The following GALK2 variants were observed in gnomAD, a reference collection of about 807,000 sequenced individuals.
The protein encoded by GALK2 is N-acetylgalactosamine kinase.
In GALK2, 36 loss-of-function variants were observed where a neutral mutation model predicts 52.4. The ratio of observed to expected loss-of-function variants is 0.69; its 90% CI spans 0.53 to 0.91. The LOEUF (loss-of-function observed/expected upper bound fraction) is 0.91, where lower values mean the gene tolerates loss of function less well. Ranked by LOEUF, GALK2 falls within the 40% of genes least tolerant of loss-of-function variation. The probability of loss-of-function intolerance (pLI) is 0.00; values close to 1 mark genes in which losing one functional copy is unlikely to be tolerated. For missense variants in GALK2, 579 were observed against 559.1 expected (o/e 1.04, Z -0.36); for synonymous variants, 176 against 199.1 (o/e 0.88, Z 0.98).
At chr15:49,355,988 C>T (rs2043091960) in intron 3 of GALK2, among the ~76,000 whole-genome samples, 1 of 151,354 alleles carries the variant, frequency 6.6e-6, no homozygotes, top group Non-Finnish European at 1.5e-5. Context: ...TCCAGCCAAA[C>T]TAAGCTTCAT....
chr15:49,244,483 T>C (rs921966076), intron 5 of GALK2, among the ~76,000 whole-genome samples: 2 of 152,152 alleles, frequency 1.3e-5, no homozygotes, highest in Non-Finnish European at 2.9e-5. Flanking sequence ...TCAAAAACAG[T>C]ATTGGAAGAT....
At chr15:49,259,559 T>C (rs1210457967) in intron 5 of GALK2, among the ~76,000 whole-genome samples, 2 of 149,674 alleles carry the variant, frequency 1.3e-5, no homozygotes, top group Non-Finnish European at 3.0e-5. Flanking sequence ...ATGGTGTATA[T>C]GTGCCACATT....
chr15:49,346,850 G>C (rs2041580744), intron 3 of GALK2, among the ~76,000 whole-genome samples: 1 of 152,152 alleles, frequency 6.6e-6, no homozygotes, highest in Admixed American at 6.5e-5. Flanking sequence ...CTTGAAATAA[G>C]CTTATTAGCA....
chr15:49,157,741 G>A (rs1285123022), intron 1 of GALK2, among the ~76,000 whole-genome samples: 1 of 152,212 alleles, frequency 6.6e-6, no homozygotes, highest in Non-Finnish European at 1.5e-5. Context: ...ATCATTGGAA[G>A]GGACCTGAGA....
At chr15:49,178,891 T>A (rs1377849452) in intron 1 of GALK2, 1 of 153,088 alleles carries the variant, frequency 6.5e-6, no homozygotes, top group African/African-American at 2.4e-5. Flanking sequence ...CTCTCATTAT[T>A]ATTTTCAAAA....
chr15:49,261,585 C>G (rs1222372528), intron 5 of GALK2, among the ~76,000 whole-genome samples: 1 of 151,680 alleles, frequency 6.6e-6, no homozygotes, highest in Non-Finnish European at 1.5e-5. Flanking sequence ...ATTGCCCTGG[C>G]CAGAACTTCC....
intron 9 of GALK2, among the ~76,000 whole-genome samples, chr15:49,322,688 T>C (rs1007726320): frequency 6.5e-4 from 99 of 152,260 alleles, no homozygotes; most frequent in African/African-American, 2.3e-3. Context: ...CCGGGCCCAA[T>C]TGCTCACACC....
At chr15:49,250,404 TA>T (rs1009030423) in intron 5 of GALK2, among the ~76,000 whole-genome samples, 1 of 152,200 alleles carries the variant, frequency 6.6e-6, no homozygotes. Context: ...GATGTCTTTT[TA>T]AAAAAATTAC....
At chr15:49,170,204 A>T, upstream of GALK2, 1 of 1,496,950 alleles carries the variant, frequency 6.7e-7, no homozygotes, top group Non-Finnish European at 8.9e-7. Flanking sequence ...GGATTTCCGC[A>T]GGGCGGGAGC....
At chr15:49,308,141 C>T (rs2035696564) in intron 8 of GALK2, among the ~76,000 whole-genome samples, 1 of 152,192 alleles carries the variant, frequency 6.6e-6, no homozygotes, top group African/African-American at 2.4e-5. Flanking sequence ...TCCAAAGAGT[C>T]TTTGCCTCAG....
intron 5 of GALK2, among the ~76,000 whole-genome samples, chr15:49,273,363 G>A (rs1254763258): frequency 2.0e-5 from 3 of 151,792 alleles, no homozygotes; most frequent in Non-Finnish European, 4.4e-5. Context: ...TTATTTACAG[G>A]AACTTTTCAG....
intron 8 of GALK2, among the ~76,000 whole-genome samples, chr15:49,295,373 A>G (rs1292964818): frequency 2.0e-5 from 3 of 151,532 alleles, no homozygotes; most frequent in African/African-American, 7.3e-5. Context: ...TCATCTATCT[A>G]TCATTGAATT....
At chr15:49,186,542 CT>C (rs71299506) in intron 1 of GALK2, among the ~76,000 whole-genome samples, 89 of 131,066 alleles carry the variant, frequency 6.8e-4, no homozygotes, top group South Asian at 1.5e-3. Flanking sequence ...GAATTTTTTT[CT>C]TTTTTTTTTT....
At chr15:49,215,986 T>G (rs756817612) in intron 2 of GALK2, among the ~76,000 whole-genome samples, 11 of 152,344 alleles carry the variant, frequency 7.2e-5, no homozygotes, top group Non-Finnish European at 1.3e-4. Context: ...AATGCTGCAA[T>G]TCTTCCTGAC....
chr15:49,285,024 C>A (rs1039092190), intron 7 of GALK2, among the ~76,000 whole-genome samples: 1 of 152,176 alleles, frequency 6.6e-6, no homozygotes, highest in Admixed American at 6.5e-5. Flanking sequence ...ATTCTCTTCA[C>A]AGCTAAACTT....
chr15:49,351,844 C>T (rs1282222825), intron 3 of GALK2, among the ~76,000 whole-genome samples: 2 of 152,174 alleles, frequency 1.3e-5, no homozygotes, highest in African/African-American at 4.8e-5. Flanking sequence ...TCACCTTAGT[C>T]AGTGGATGTG....
chr15:49,360,505 T>G (rs924149318), intron 3 of GALK2, among the ~76,000 whole-genome samples: 1 of 152,190 alleles, frequency 6.6e-6, no homozygotes, highest in Non-Finnish European at 1.5e-5. Flanking sequence ...AATTATTAAA[T>G]TTTTGGGTAT....
At chr15:49,230,213 T>G (rs1343355636) in intron 3 of GALK2, among the ~76,000 whole-genome samples, 2 of 151,848 alleles carry the variant, frequency 1.3e-5, no homozygotes, top group African/African-American at 2.4e-5. Flanking sequence ...GACTTGGGGG[T>G]GTGTGGAACC....
In GALK2 at chr15:49,259,552, G is replaced by A. The variant is rs537222253; in HGVS notation, c.504+20185G>A. 3.3e-5 allele frequency among the ~76,000 whole-genome samples: 5 copies of A among 149,480 alleles called. No homozygotes were observed. In the South Asian group the frequency reaches 6.4e-4, roughly 19 times the overall value. ...TTTTATGGCTGCATAGTATTCCATG[G>A]TGTATATGTGCCACATTTTCTTTTT... On this transcript the variant is annotated intron_variant, in intron 5 of 9. Coordinates refer to ENST00000560031, the MANE Select transcript of GALK2 (RefSeq NM_002044.4).
Sources: gnomAD v4.1 joint callset for allele counts (sites outside exome capture counted in the v4.1 genomes callset) on GRCh38, gnomAD v4.1.1 for gene constraint, MANE v1.5 for transcripts, NCBI Gene and HGNC (gene_info 2026-07-23, HGNC 2026-07-21) for gene names.